TBL1Y: variants seen among roughly 807,000 people sequenced by gnomAD.
The protein encoded by TBL1Y is F-box-like/WD repeat-containing protein TBL1Y.
TBL1Y carries 15 observed loss-of-function variants against 12.0 expected under a neutral mutation model. The ratio of observed to expected loss-of-function variants is 1.25; its 90% CI spans 0.83 to 1.92. The LOEUF (loss-of-function observed/expected upper bound fraction) is 1.92. Among genes scored for constraint, TBL1Y ranks in the 40% most tolerant of loss-of-function variants. The pLI is 0.00. For synonymous variants in TBL1Y, 53 were observed against 42.6 expected (o/e 1.24, Z -0.95); for missense variants, 148 against 116.7 (o/e 1.27, Z -1.24).
At chrY:6,913,668 G>T (rs2011713952) in intron 2 of TBL1Y, among the ~76,000 whole-genome samples, 1 of 31,129 alleles carries the variant, frequency 3.2e-5, no homozygotes, top group Non-Finnish European at 7.7e-5. Flanking sequence ...CCAAAGTCCA[G>T]CTCTTAAGCT....
chrY:7,049,873 CT>C (rs2012786471), intron 7 of TBL1Y, among the ~76,000 whole-genome samples: 1 of 33,898 alleles, frequency 3.0e-5, no homozygotes, highest in East Asian at 7.7e-4. Context: ...AATTAGATCC[CT>C]TTTGTCTATT....
rs1603049452 is a variant in TBL1Y at position 7,071,197 on chromosome Y, T to C, written c.732+336T>C. Among the ~76,000 whole-genome samples, 4 of 33,814 alleles carry C rather than the reference T, an allele frequency of 1.2e-4. No homozygotes were observed. In the East Asian group the frequency reaches 3.2e-3, roughly 27 times the overall value. The allele number at this position is 33,814 out of a possible 37,273, so 90.7% of individuals were successfully genotyped here. ...AGAGGTGCAGTCTAGGAAAGGTGCC[T>C]CTTCACCTTAGGATTTCAGCAACAA... On this transcript the variant is annotated intron_variant, in intron 10 of 18. Transcript: ENST00000383032.
chrY:7,005,420 T>C lies in TBL1Y; in HGVS notation c.-140+9522T>C. On this transcript the variant is annotated intron_variant, in intron 4 of 18. Transcript: ENST00000383032. The stretch of plus-strand genomic sequence containing the variant: ...TTTCATCCTGGGTAATGGAATGAGA[T>C]CATGTCTCAAAAAAAAAATAAAGTC... 9.3e-5 allele frequency among the ~76,000 whole-genome samples: 3 copies of C among 32,257 alleles called. No homozygotes were observed. In the South Asian group the frequency reaches 2.1e-3, roughly 23 times the overall value. 86.5% of individuals were successfully genotyped at this position (32,257 alleles called of 37,273 possible).
intron 6 of TBL1Y, among the ~76,000 whole-genome samples, chrY:7,028,484 A>G (rs2124154896): frequency 2.9e-5 from 1 of 34,191 alleles, no homozygotes; most frequent in East Asian, 8.1e-4. Flanking sequence ...CAAACCATGT[A>G]TATTTCCTAA....
At chrY:6,982,071 A>C in intron 3 of TBL1Y, among the ~76,000 whole-genome samples, 1 of 33,561 alleles carries the variant, frequency 3.0e-5, no homozygotes, top group Non-Finnish European at 7.3e-5. Context: ...AATATAGAAA[A>C]ACAAAAGTCC....
At chrY:7,009,273 G>A (rs184932575) in intron 4 of TBL1Y, among the ~76,000 whole-genome samples, 6 of 34,012 alleles carry the variant, frequency 1.8e-4, no homozygotes, top group African/African-American at 6.9e-4. Context: ...AAAAAGCACT[G>A]TATGTGTTTA....
At chrY:7,054,551 C>T in intron 7 of TBL1Y, among the ~76,000 whole-genome samples, 2 of 33,629 alleles carry the variant, frequency 5.9e-5, no homozygotes, top group Non-Finnish European at 1.5e-4. Flanking sequence ...TCTTCTGGTC[C>T]GTGTTATGGC....
chrY:7,001,898 A>G (rs2012455519), intron 4 of TBL1Y, among the ~76,000 whole-genome samples: 1 of 34,179 alleles, frequency 2.9e-5, no homozygotes, highest in Admixed American at 2.6e-4. Flanking sequence ...CTGCAAGCCC[A>G]TCTACTCTAC....
chrY:6,998,197 G>A, intron 4 of TBL1Y, among the ~76,000 whole-genome samples: 3 of 33,834 alleles, frequency 8.9e-5, no homozygotes, highest in African/African-American at 2.3e-4. Flanking sequence ...TGCCTATCGC[G>A]TTCCTGTTTA....
intron 7 of TBL1Y, among the ~76,000 whole-genome samples, chrY:7,043,392 A>G (rs763432155): frequency 3.2e-5 from 1 of 31,232 alleles, no homozygotes; most frequent in South Asian, 7.6e-4. Flanking sequence ...GTGCTGGTAC[A>G]TACCTGTTGT....
Position 7,063,959 on chromosome Y carries a change from T to C in TBL1Y, c.267T>C (p.Pro89=). 1 of 398,127 alleles carries C rather than the reference T, an allele frequency of 2.5e-6. No homozygotes were observed. The highest frequency in any genetic ancestry group is 3.5e-6 in the Non-Finnish European group (1 of 283,320). Residue 89 remains proline, a synonymous_variant, in exon 8 of 19, where the codon CCT becomes CCC. Coordinates refer to ENST00000383032, the MANE Select transcript of TBL1Y (RefSeq NM_033284.2). ...ESLSLIVAVI[P]DVVQMRQQAF... The stretch of plus-strand genomic sequence containing the variant: ...TGTCCCTGATAGTTGCTGTGATTCC[T>C]GATGTGGTGCAGATGCGGCAGCAGG...
At chrY:7,024,996 A>G in intron 5 of TBL1Y, 39 bp from the exon 6 acceptor site, 10 of 296,538 alleles carry the variant, frequency 3.4e-5, no homozygotes, top group Non-Finnish European at 3.1e-5. Flanking sequence ...AGAGAAACAC[A>G]CAGGCAGTGT....
intron 3 of TBL1Y, among the ~76,000 whole-genome samples, chrY:6,978,790 A>G (rs760065597): frequency 3.0e-5 from 1 of 33,307 alleles, no homozygotes; most frequent in Admixed American, 2.8e-4. Context: ...CACAAAATTT[A>G]TTTTATCACT....
At chrY:7,088,889 AG>A (rs2013157016) in intron 17 of TBL1Y, among the ~76,000 whole-genome samples, 1 of 33,997 alleles carries the variant, frequency 2.9e-5, no homozygotes, top group African/African-American at 1.1e-4. Context: ...GTTTTGAGAC[AG>A]CCCTCCTGGT....
chrY:6,951,975 G>T (rs2012029983), intron 2 of TBL1Y, among the ~76,000 whole-genome samples: 1 of 33,289 alleles, frequency 3.0e-5, no homozygotes, highest in Non-Finnish European at 7.4e-5. Context: ...TTCCATGTAG[G>T]TGAGCGGTTT....
chrY:6,958,357 A>G (rs907855297), intron 2 of TBL1Y, among the ~76,000 whole-genome samples: 3 of 33,489 alleles, frequency 9.0e-5, no homozygotes, highest in African/African-American at 3.5e-4. Context: ...AAGACATGTT[A>G]AGGAAGTTTG....
chrY:6,972,035 A>C, intron 2 of TBL1Y, among the ~76,000 whole-genome samples: 1 of 33,864 alleles, frequency 3.0e-5, no homozygotes, highest in African/African-American at 1.2e-4. Context: ...CAGTTTTGTC[A>C]TTGCCGTGGA....
chrY:6,947,277 G>GA (rs2011991146), intron 2 of TBL1Y, among the ~76,000 whole-genome samples: 1 of 32,954 alleles, frequency 3.0e-5, no homozygotes, highest in Non-Finnish European at 7.4e-5. Context: ...GAGGAAGGGA[G>GA]AAAAAACAAC....
chrY:6,976,191 A>G (rs750127777), intron 2 of TBL1Y, among the ~76,000 whole-genome samples: 176 of 33,134 alleles, frequency 5.3e-3, no homozygotes, highest in African/African-American at 0.02. Flanking sequence ...CCTCCTCAAC[A>G]TCCCAAAGTG....
Sources: gnomAD v4.1 joint callset for allele counts (sites outside exome capture counted in the v4.1 genomes callset) on GRCh38, gnomAD v4.1.1 for gene constraint, MANE v1.5 for transcripts, NCBI Gene and HGNC (gene_info 2026-07-23, HGNC 2026-07-21) for gene names.